IGBP1C: variants seen among roughly 807,000 people sequenced by gnomAD.
The protein encoded by IGBP1C is immunoglobulin-binding protein 1 family member C.
At chr17:58,685,996 CAA>C in the IGBP1C span, among the ~76,000 whole-genome samples, 12 of 82,636 alleles carry the variant, frequency 1.5e-4, no homozygotes, top group Admixed American at 3.4e-4. Flanking sequence ...CTCTGTCTCA[CAA>C]AAAAAAAAAA....
the IGBP1C span, chr17:58,661,562 CGCG>C: frequency 1.3e-6 from 1 of 742,106 alleles, no homozygotes; most frequent in Non-Finnish European, 2.5e-6. Context: ...CTCGGGGAGC[CGCG>C]GCGGCGGCAG....
chr17:58,682,455 G>A, the IGBP1C span, among the ~76,000 whole-genome samples: 3 of 151,518 alleles, frequency 2.0e-5, no homozygotes, highest in African/African-American at 7.3e-5. Flanking sequence ...ATGGGTTTTT[G>A]CCATGTTGGC....
chr17:58,689,702 T>A, the IGBP1C span, among the ~76,000 whole-genome samples: 1 of 152,194 alleles, frequency 6.6e-6, no homozygotes, highest in African/African-American at 2.4e-5. Flanking sequence ...GCACCTTCCA[T>A]ATTTATCCCA....
the IGBP1C span, among the ~76,000 whole-genome samples, chr17:58,685,660 T>G: frequency 6.6e-6 from 1 of 151,674 alleles, no homozygotes; most frequent in African/African-American, 2.4e-5. Flanking sequence ...CATGCAAGCT[T>G]TTTTTAAGCC....
At chr17:58,667,043 T>C in the IGBP1C span, among the ~76,000 whole-genome samples, 1 of 152,308 alleles carries the variant, frequency 6.6e-6, no homozygotes, top group African/African-American at 2.4e-5. Flanking sequence ...GCCATTTTCC[T>C]GACAAAAACG....
chr17:58,689,917 T>C, the IGBP1C span, among the ~76,000 whole-genome samples: 1 of 150,840 alleles, frequency 6.6e-6, no homozygotes, highest in African/African-American at 2.4e-5. Flanking sequence ...TGGCGTGATC[T>C]AGGCTCACTG....
the IGBP1C span, among the ~76,000 whole-genome samples, chr17:58,684,654 T>C: frequency 6.7e-6 from 1 of 149,848 alleles, no homozygotes; most frequent in Non-Finnish European, 1.5e-5. Context: ...AATAAATAAA[T>C]AAATAAATAA....
chr17:58,688,909 CCCA>C, the IGBP1C span, among the ~76,000 whole-genome samples: 2 of 151,940 alleles, frequency 1.3e-5, no homozygotes, highest in South Asian at 2.1e-4. Context: ...GCATTTTACC[CCCA>C]CATTTTGTTT....
chr17:58,678,694 G>A, the IGBP1C span, among the ~76,000 whole-genome samples: 1 of 151,980 alleles, frequency 6.6e-6, no homozygotes, highest in Non-Finnish European at 1.5e-5. Context: ...GAAACGGGGA[G>A]GGATAGCATT....
the IGBP1C span, among the ~76,000 whole-genome samples, chr17:58,686,596 T>C: frequency 6.6e-6 from 1 of 152,046 alleles, no homozygotes; most frequent in African/African-American, 2.4e-5. Context: ...GCCAAATATG[T>C]AGAAAGGAAA....
chr17:58,678,325 G>A, the IGBP1C span, among the ~76,000 whole-genome samples: 2 of 152,200 alleles, frequency 1.3e-5, no homozygotes, highest in East Asian at 3.9e-4. Flanking sequence ...CCATTACTGG[G>A]TATATACCCA....
the IGBP1C span, among the ~76,000 whole-genome samples, chr17:58,681,039 T>C: frequency 6.6e-6 from 1 of 152,110 alleles, no homozygotes; most frequent in Non-Finnish European, 1.5e-5. Flanking sequence ...CCCAGCACTT[T>C]GGGAGGCTGA....
chr17:58,686,094 T>C, the IGBP1C span, among the ~76,000 whole-genome samples: 2 of 151,480 alleles, frequency 1.3e-5, no homozygotes, highest in Non-Finnish European at 2.9e-5. Context: ...CTCGCACCTG[T>C]AATCCCAGAA....
At chr17:58,690,557 T>G in the IGBP1C span, among the ~76,000 whole-genome samples, 1 of 152,186 alleles carries the variant, frequency 6.6e-6, no homozygotes, top group Admixed American at 6.6e-5. Flanking sequence ...AGACTTATTG[T>G]TGAATGTGGT....
the IGBP1C span, chr17:58,666,458 C>CAAAAAAAAA: frequency 4.9e-4 from 18 of 36,832 alleles, 2 homozygotes; most frequent in Non-Finnish European, 6.5e-4. Flanking sequence ...CCTTCCACGG[C>CAAAAAAAAA]AAAAAAAAAA....
chr17:58,666,458 C>CAAACAAAA, the IGBP1C span: 12 of 36,814 alleles, frequency 3.3e-4, no homozygotes, highest in Admixed American at 1.0e-3. Flanking sequence ...CCTTCCACGG[C>CAAACAAAA]AAAAAAAAAA....
the IGBP1C span, among the ~76,000 whole-genome samples, chr17:58,688,867 A>G: frequency 6.6e-6 from 1 of 152,122 alleles, no homozygotes; most frequent in Admixed American, 6.6e-5. Flanking sequence ...CTCTGACCTC[A>G]TACTTTTCTC....
At chr17:58,668,834 C>T in the IGBP1C span, among the ~76,000 whole-genome samples, 1 of 152,168 alleles carries the variant, frequency 6.6e-6, no homozygotes, top group East Asian at 1.9e-4. Context: ...TAACATCCTA[C>T]CCAAAGGCCC....
the IGBP1C span, among the ~76,000 whole-genome samples, chr17:58,680,693 G>A: frequency 2.0e-5 from 3 of 152,042 alleles, no homozygotes; most frequent in Non-Finnish European, 2.9e-5. Context: ...CTGAGATCAC[G>A]CCGCTGCACT....
Sources: gnomAD v4.1 joint callset for allele counts (sites outside exome capture counted in the v4.1 genomes callset) on GRCh38, gnomAD v4.1.1 for gene constraint, MANE v1.5 for transcripts, NCBI Gene and HGNC (gene_info 2026-07-23, HGNC 2026-07-21) for gene names.